The following CHODL variants were observed in gnomAD, a reference collection of about 807,000 sequenced individuals.
CHODL encodes chondrolectin.
A neutral mutation model predicts 34.5 loss-of-function variants in CHODL; 29 were observed. The ratio of observed to expected loss-of-function variants is 0.84; its 90% CI spans 0.63 to 1.15. The LOEUF is 1.15. Ranked by LOEUF, CHODL falls within the 50% of genes most tolerant of loss-of-function variation. The probability of loss-of-function intolerance (pLI) is 0.00; values close to 1 mark genes in which losing one functional copy is unlikely to be tolerated. For missense variants in CHODL, 332 were observed against 332.5 expected, an observed-to-expected ratio of 1.00 and a Z score of 0.01; for synonymous variants, 125 against 116.1, an observed-to-expected ratio of 1.08 and a Z score of -0.49.
At position 18,266,422 on chromosome 21, in the gene CHODL, AGT is replaced by A. The variant is rs2074463108; in HGVS notation, c.*388_*389del. ...TAATGTATATTGTATTGAAATTTAC[AGT>A]GTGCAAAAGTATTTTACCTTTGCAT... On this transcript the variant is annotated 3_prime_UTR_variant, in exon 6 of 6. Transcript: ENST00000299295. 3.4e-6 allele frequency: 1 copy of A among 291,558 alleles called. No homozygotes were observed. The highest frequency in any genetic ancestry group is 4.8e-5 in the Admixed American group (1 of 20,786). The allele number at this position is 291,558 out of a possible 1,614,324, so 18.1% of individuals were successfully genotyped here.
At chr21:18,113,515 C>T (rs2065376571) in intron 2 of CHODL, among the ~76,000 whole-genome samples, 5 of 152,142 alleles carry the variant, frequency 3.3e-5, no homozygotes, top group Admixed American at 3.3e-4. Context: ...AACTTACAAT[C>T]ATGGCAAAAG....
At chr21:17,926,375 G>GTTTTTTTTTTTT (rs767844049) in intron 1 of CHODL, among the ~76,000 whole-genome samples, 2 of 60,540 alleles carry the variant, frequency 3.3e-5, no homozygotes, top group Non-Finnish European at 4.3e-5. Context: ...AAATAAGGTG[G>GTTTTTTTTTTTT]GTTTTTTTTT....
chr21:18,156,786 C>T (rs7279503), intron 2 of CHODL, among the ~76,000 whole-genome samples: 89,439 of 152,000 alleles, frequency 0.59, 29,207 homozygotes, highest in Non-Finnish European at 0.74. Context: ...GTTTCTGAAA[C>T]GGACAGTGGG....
At chr21:18,193,541 C>G (rs150026191) in intron 2 of CHODL, among the ~76,000 whole-genome samples, 2,596 of 151,312 alleles carry the variant, frequency 0.017, 46 homozygotes, top group Non-Finnish European at 0.02. Context: ...TAAAAAAATA[C>G]AAAAATTAGC....
chr21:17,953,775 C>A (rs1309368956), intron 1 of CHODL, among the ~76,000 whole-genome samples: 1 of 151,936 alleles, frequency 6.6e-6, no homozygotes, highest in Admixed American at 6.6e-5. Context: ...ACTTTGGGAG[C>A]CTGAGGTGAA....
chr21:18,219,265 A>C (rs779849881), intron 2 of CHODL, among the ~76,000 whole-genome samples: 2 of 152,148 alleles, frequency 1.3e-5, no homozygotes, highest in Non-Finnish European at 2.9e-5. Context: ...GAAAGCAAAC[A>C]TGTCTTTCAC....
chr21:18,046,383 C>G lies in CHODL; in HGVS notation c.-45+18412C>G, dbSNP rs17002294. 8.4e-3 allele frequency among the ~76,000 whole-genome samples: 1,284 copies of G among 152,026 alleles called. 20 individuals carry two copies. Among genetic ancestry groups the G allele is most frequent in the African/African-American group, 0.03 (1,225 of 41,510 alleles). ...GAAAAATACTATGGTAGTTGACCAA[C>G]TGAGAGATGATGGTGGCACACACCC... On this transcript the variant is annotated intron_variant, in intron 2 of 6. Coordinates refer to the CHODL transcript ENST00000400127.
chr21:18,129,229 A>C (rs2072621221), intron 2 of CHODL, among the ~76,000 whole-genome samples: 2 of 151,744 alleles, frequency 1.3e-5, no homozygotes, highest in Non-Finnish European at 2.9e-5. Flanking sequence ...ATAAGACTAG[A>C]TATCTTATTG....
rs778733102 is a variant in CHODL at position 18,181,263 on chromosome 21, CATAT to C, written c.-44-75244_-44-75241del. On this transcript the variant is annotated intron_variant, in intron 2 of 6. Coordinates refer to the CHODL transcript ENST00000400127. ...AAGTGTTGCACTGGAATATAACTCA[CATAT>C]AAAAATCACCCATTTGAAGTATATA... Among the ~76,000 whole-genome samples, 180 of 152,292 alleles carry C rather than the reference CATAT, an allele frequency of 1.2e-3. 1 individual carries two copies. Among genetic ancestry groups the C allele is most frequent in the East Asian group, 2.1e-3 (11 of 5,180 alleles).
At chr21:18,260,863 A>C (rs60373325) in intron 4 of CHODL, among the ~76,000 whole-genome samples, 24,445 of 151,912 alleles carry the variant, frequency 0.16, 2,141 homozygotes, top group African/African-American at 0.24. Flanking sequence ...AACACCACCA[A>C]CAACAACAAA....
At chr21:17,949,591 C>T (rs1394048613) in intron 1 of CHODL, among the ~76,000 whole-genome samples, 1 of 152,020 alleles carries the variant, frequency 6.6e-6, no homozygotes, top group Non-Finnish European at 1.5e-5. Flanking sequence ...CATAAACCTG[C>T]CAAATATATG....
chr21:18,085,053 C>A (rs2064989499), intron 2 of CHODL, among the ~76,000 whole-genome samples: 1 of 150,540 alleles, frequency 6.6e-6, no homozygotes, highest in South Asian at 2.1e-4. Flanking sequence ...TAATGATCTT[C>A]TTTTTTATTT....
intron 1 of CHODL, among the ~76,000 whole-genome samples, chr21:17,994,630 C>T (rs573821598): frequency 1.2e-4 from 19 of 152,198 alleles, no homozygotes; most frequent in African/African-American, 4.3e-4. Flanking sequence ...GCACTGGCAA[C>T]GGTAGTCAGG....
chr21:18,091,595 G>A (rs1008570613), intron 2 of CHODL, among the ~76,000 whole-genome samples: 2 of 152,242 alleles, frequency 1.3e-5, no homozygotes, highest in African/African-American at 4.8e-5. Flanking sequence ...CCCAGACAAC[G>A]TGCATCTTAG....
At position 18,121,844 on chromosome 21, in the gene CHODL, T is replaced by G. The variant is rs565006008; in HGVS notation, c.-45+93873T>G. 5.9e-5 allele frequency among the ~76,000 whole-genome samples: 9 copies of G among 152,312 alleles called. No individual in the cohort carries two copies. In the South Asian group the frequency reaches 1.9e-3, roughly 32 times the overall value. Reference sequence around the variant, plus strand: ...AGCGCCTTTAGATCCAGGCTATCTTTACGTCATCAACTAATCTCATAGTGC... The same window carrying G: ...AGCGCCTTTAGATCCAGGCTATCTTGACGTCATCAACTAATCTCATAGTGC... On this transcript the variant is annotated intron_variant, in intron 2 of 6. Coordinates refer to the CHODL transcript ENST00000400127.
chr21:17,931,400 A>T (rs2063272698), intron 1 of CHODL, among the ~76,000 whole-genome samples: 1 of 152,222 alleles, frequency 6.6e-6, no homozygotes, highest in Admixed American at 6.5e-5. Context: ...CATGGGGAAA[A>T]TAATCCCATC....
At chr21:18,110,266 G>A (rs1416229879) in intron 2 of CHODL, among the ~76,000 whole-genome samples, 1 of 152,142 alleles carries the variant, frequency 6.6e-6, no homozygotes, top group Non-Finnish European at 1.5e-5. Context: ...TCTTGGGTTT[G>A]TTCACATCAT....
chr21:18,145,434 TCA>T, intron 2 of CHODL, among the ~76,000 whole-genome samples: 1 of 44,314 alleles, frequency 2.3e-5, no homozygotes, highest in East Asian at 5.6e-4. Context: ...AGACTACCTT[TCA>T]AAAAAAAAAA....
intron 1 of CHODL, among the ~76,000 whole-genome samples, chr21:17,996,661 G>A (rs774831231): frequency 7.9e-5 from 12 of 152,196 alleles, no homozygotes; most frequent in Non-Finnish European, 1.6e-4. Context: ...AAGCTGCCAA[G>A]GTAGTAGAGG....
Sources: allele counts gnomAD v4.1 joint callset (sites outside exome capture counted in the v4.1 genomes callset), GRCh38; gene constraint gnomAD v4.1.1; transcripts MANE v1.5; gene names NCBI Gene and HGNC (gene_info 2026-07-23, HGNC 2026-07-21).